The following PNPLA7 variants were observed in gnomAD, a reference collection of about 807,000 sequenced individuals.
The protein encoded by PNPLA7 is patatin-like phospholipase domain-containing protein 7.
In PNPLA7, 153 loss-of-function variants were observed where a neutral mutation model predicts 161.7. The ratio of observed to expected loss-of-function variants is 0.95; its 90% confidence interval spans 0.83 to 1.08. The LOEUF is 1.08. PNPLA7 is among the 50% of genes least tolerant of loss of function. PNPLA7 has a pLI of 0.00. For synonymous variants in PNPLA7, 809 were observed against 782.1 expected, an observed-to-expected ratio of 1.03 and a Z score of -0.57; for missense variants, 1,739 against 1,856.6, an observed-to-expected ratio of 0.94 and a Z score of 1.16.
Position 137,463,409 on chromosome 9 carries a change from C to T in PNPLA7, c.3343+6G>A. 6.3e-7 allele frequency: 1 copy of T among 1,599,174 alleles called. No individual in the cohort carries two copies. The highest frequency in any genetic ancestry group is 1.7e-5 in the Admixed American group (1 of 58,442). On this transcript the variant is annotated splice_donor_region_variant and intron_variant, in intron 29 of 34. Coordinates refer to ENST00000406427, the MANE Select transcript of PNPLA7 (RefSeq NM_001098537.3). ...CCTGCCGGGCGTGGTCCCCCCACCG[C>T]AGTACCTGGGAGGTTGTTGATGTAG...
rs772876662 is a variant in PNPLA7, at chr9:137,549,430, C to T, written c.30+738G>A. On this transcript the variant is annotated intron_variant, in intron 1 of 34. Transcript: ENST00000406427. The stretch of plus-strand genomic sequence containing the variant: ...AAAATACAAAAAAATATTAGCCGGG[C>T]GTGGTGGTGGGCGCCTGTAGTCCCA... Among the ~76,000 whole-genome samples, 193 of 152,200 alleles carry T rather than the reference C, an allele frequency of 1.3e-3. 1 individual carries two copies. The highest frequency in any genetic ancestry group is 4.4e-3 in the African/African-American group (183 of 41,528).
At position 137,523,117 on chromosome 9, in the gene PNPLA7, C is replaced by A. The variant is rs983723134; in HGVS notation, c.748-260G>T. ...GGAGGCCCGCAGGCAGCCACCCCAC[C>A]AGACCTGGGCACTCACCATGGGGAG... On this transcript the variant is annotated intron_variant, in intron 8 of 34. Transcript: ENST00000406427. The surrounding 1 kb of genome is among the most constrained non-coding windows in gnomAD (Gnocchi z 4.4). 1.2e-4 allele frequency among the ~76,000 whole-genome samples: 19 copies of A among 152,314 alleles called. No individual in the cohort carries two copies. The highest frequency in any genetic ancestry group is 4.6e-4 in the African/African-American group (19 of 41,574).
intron 14 of PNPLA7, among the ~76,000 whole-genome samples, chr9:137,503,879 A>G (rs1175738663): frequency 9.2e-4 from 58 of 62,974 alleles, no homozygotes; most frequent in South Asian, 2.0e-3. Flanking sequence ...AAGGAAGAAG[A>G]AAGAAGAAGG....
chr9:137,510,480 G>A (rs373489478), intron 12 of PNPLA7, among the ~76,000 whole-genome samples: 144 of 152,252 alleles, frequency 9.5e-4, no homozygotes, highest in Non-Finnish European at 1.9e-3. Context: ...TCTCTGCCTC[G>A]GCTGCCAGGC....
Position 137,540,657 on chromosome 9 carries a change from G to T in PNPLA7, c.732C>A (p.Ile244=). The T allele has an allele frequency of 6.2e-7, 1 of 1,611,888 alleles. No individual in the cohort carries two copies. The highest frequency in any genetic ancestry group is 8.5e-7 in the Non-Finnish European group (1 of 1,179,408). ...AGDSVHSLLS[I]LDIITGHAAP... Reference sequence around the variant, plus strand: ...GGGGACTCACGGTGATGATGTCCAGGATGCTGAGCAGGCTGTGGACGCTGT... The same window carrying T: ...GGGGACTCACGGTGATGATGTCCAGTATGCTGAGCAGGCTGTGGACGCTGT... The change falls in exon 8 of 35, where the codon ATC becomes ATA. Residue 244 remains isoleucine (I), a synonymous_variant. Coordinates refer to ENST00000406427, the MANE Select transcript of PNPLA7 (RefSeq NM_001098537.3). This position sits in a 1 kb window ranked among gnomAD's most constrained non-coding sequence, Gnocchi z 5.1.
chr9:137,521,138 C>T (rs1195257655), intron 10 of PNPLA7, among the ~76,000 whole-genome samples: 1 of 152,096 alleles, frequency 6.6e-6, no homozygotes, highest in Non-Finnish European at 1.5e-5. Context: ...ATGGGATGGG[C>T]ATGGGGAGGG....
intron 24 of PNPLA7, 112 bp from the exon 25 acceptor site, chr9:137,478,264 C>T: frequency 1.3e-6 from 1 of 770,846 alleles, no homozygotes; most frequent in South Asian, 5.0e-5. Context: ...AAACTGACCC[C>T]AAATCCTCTC....
chr9:137,518,298 G>C (rs369812658), intron 11 of PNPLA7, among the ~76,000 whole-genome samples: 691 of 32,072 alleles, frequency 0.022, no homozygotes, highest in Middle Eastern at 0.043. Context: ...CCCACTCACT[G>C]ACTCCACTCT....
At chr9:137,504,167 CGGAAGAAGAA>C (rs1410384788) in intron 14 of PNPLA7, among the ~76,000 whole-genome samples, 1 of 109,298 alleles carries the variant, frequency 9.1e-6, no homozygotes, top group Non-Finnish European at 2.0e-5. Context: ...GAGAAGAAGA[CGGAAGAAGAA>C]GGAAGAAGGA....
chr9:137,462,562 G>A, intron 30 of PNPLA7, 123 bp downstream of exon 30: 4 of 1,434,738 alleles, frequency 2.8e-6, no homozygotes, highest in Non-Finnish European at 3.7e-6. Flanking sequence ...GGGTGGTGAG[G>A]GGTGGCCCCA....
Position 137,547,183 on chromosome 9 carries a change from G to T in PNPLA7, c.193+126C>A. 2.1e-6 allele frequency: 2 copies of T among 969,324 alleles called. No individual in the cohort carries two copies. The highest frequency in any genetic ancestry group is 3.2e-6 in the Non-Finnish European group (2 of 619,898). The allele number at this position is 969,324 out of a possible 1,614,324, so 60.0% of individuals were successfully genotyped here. A position where few individuals can be genotyped will look rare whatever the true frequency, so the allele number is the denominator to read the frequency against. On this transcript the variant is annotated intron_variant, in intron 3 of 34. Coordinates refer to ENST00000406427, the MANE Select transcript of PNPLA7 (RefSeq NM_001098537.3). The surrounding 1 kb of genome is among the most constrained non-coding windows in gnomAD (Gnocchi z 4.6). ...CGACGGGCTCAGCCTGAGCCCAGAC[G>T]GGCCATCAGATTCTAGCCAAAGCCA...
chr9:137,522,796 C>T lies in PNPLA7; in HGVS notation c.809G>A (p.Arg270Gln), dbSNP rs35606757. 1,033 of 1,613,816 alleles carry T rather than the reference C, an allele frequency of 6.4e-4. 5 individuals are homozygous for T. The African/African-American group carries it at 0.011, about 17-fold the overall frequency. Residue 270 changes from arginine to glutamine, a missense_variant, in exon 9 of 35, where the codon CGG becomes CAG. Arg to Gln is a conservative substitution (Grantham distance 43). This residue lies in a region of PNPLA7 where 152 missense variants were observed against 193.5 expected (regional missense o/e 0.79). Transcript: ENST00000406427. ...TCCATGAAAAGCCGCAGCTGGAAGC[C>T]GGAGGATGGTGGACGGGATGGCCGC... The part of the protein sequence containing the change: ...VRAAIPSTIL[R>Q]LPAAAFHGVF...
At position 137,524,146 on chromosome 9, in the gene PNPLA7, G is replaced by A. The variant is rs1014493421; in HGVS notation, c.748-1289C>T. Among the ~76,000 whole-genome samples, 3 of 152,204 alleles carry A rather than the reference G, an allele frequency of 2.0e-5. No homozygotes were observed. The highest frequency in any genetic ancestry group is 2.1e-4 in the South Asian group (1 of 4,832). ...CACTGGGTCTTGGCAATGCTCCCCC[G>A]TCTTCTGTCCCAGTGGTTGTGCCTT... On this transcript the variant is annotated intron_variant, in intron 8 of 34. Coordinates refer to ENST00000406427, the MANE Select transcript of PNPLA7 (RefSeq NM_001098537.3). This position sits in a 1 kb window ranked among gnomAD's most constrained non-coding sequence, Gnocchi z 4.4.
intron 12 of PNPLA7, among the ~76,000 whole-genome samples, chr9:137,511,085 A>G (rs1301698025): frequency 2.0e-5 from 3 of 152,232 alleles, no homozygotes; most frequent in African/African-American, 7.2e-5. Context: ...ACGCCCAGAT[A>G]AGGGCCGCTT....
intron 8 of PNPLA7, 46 bp from the exon 9 acceptor site, chr9:137,522,903 C>T (rs754753118): frequency 1.1e-5 from 17 of 1,601,556 alleles, no homozygotes; most frequent in Non-Finnish European, 1.4e-5. Flanking sequence ...GCCTGGCCAA[C>T]CCCCCAGGGA....
Position 137,500,766 on chromosome 9 carries a change from C to T in PNPLA7, c.1682G>A (p.Gly561Glu). The change falls in exon 16 of 35, where the codon GGG becomes GAG. Residue 561 changes from glycine (G) to glutamate (E), a missense_variant. Coordinates refer to ENST00000406427, the MANE Select transcript of PNPLA7 (RefSeq NM_001098537.3). This position sits in a 1 kb window ranked among gnomAD's most constrained non-coding sequence, Gnocchi z 5.5. Reference sequence around the variant, plus strand: ...CTTGACGGTGAAGATGAGAGGCTCCCCGGTGAGCACGGCCAGCTGGCCCAC... The same window carrying T: ...CTTGACGGTGAAGATGAGAGGCTCCTCGGTGAGCACGGCCAGCTGGCCCAC... ...EMVGQLAVLTGEPLIFTVKAN... is the reference protein window; with the variant it reads ...EMVGQLAVLTEEPLIFTVKAN... The T allele has an allele frequency of 6.2e-7, 1 of 1,612,292 alleles. No individual in the cohort carries two copies. The highest frequency in any genetic ancestry group is 8.5e-7 in the Non-Finnish European group (1 of 1,179,828).
Position 137,460,282 on chromosome 9 carries a change from G to A in PNPLA7, c.*111C>T. 2 of 1,150,354 alleles carry A rather than the reference G, an allele frequency of 1.7e-6. No individual in the cohort carries two copies. The highest frequency in any genetic ancestry group is 2.6e-5 in the Admixed American group (1 of 38,298). 71.3% of individuals were successfully genotyped at this position (1,150,354 alleles called of 1,614,324 possible). A position where few individuals can be genotyped will look rare whatever the true frequency, so the allele number is the denominator to read the frequency against. On this transcript the variant is annotated 3_prime_UTR_variant, in exon 35 of 35. Coordinates refer to ENST00000406427, the MANE Select transcript of PNPLA7 (RefSeq NM_001098537.3). ...TAACACAGCCTGGGGCCCCGGGGAA[G>A]TCAGGGCTTCCAGCAGGGCAGGTAC...
Position 137,543,693 on chromosome 9 carries a change from G to T in PNPLA7, c.365+31C>A. ...GGCCAGCACCATGGGGGGCACCTGG[G>T]GCAGGATGTGGTCTGAAGGACACAC... On this transcript the variant is annotated intron_variant, in intron 5 of 34. Transcript: ENST00000406427. The surrounding 1 kb of genome is among the most constrained non-coding windows in gnomAD (Gnocchi z 6.9). The T allele has an allele frequency of 6.2e-7, 1 of 1,612,236 alleles. No individual in the cohort carries two copies. The highest frequency in any genetic ancestry group is 1.1e-5 in the South Asian group (1 of 91,050).
rs1012608609 is a variant in PNPLA7 at position 137,476,759 on chromosome 9, G to A, written c.2882+1275C>T. Among the ~76,000 whole-genome samples, 1 of 152,196 alleles carries A rather than the reference G, an allele frequency of 6.6e-6. No homozygotes were observed. Among genetic ancestry groups the A allele is most frequent in the Non-Finnish European group, 1.5e-5 (1 of 68,030 alleles). ...CTCAACTGCTCCAAGTCCCTGCACTGTCCCAGACCCACAGAAAGAGACTTG... is the reference window on the plus strand; with the variant it reads ...CTCAACTGCTCCAAGTCCCTGCACTATCCCAGACCCACAGAAAGAGACTTG... On this transcript the variant is annotated intron_variant, in intron 25 of 34. Coordinates refer to ENST00000406427, the MANE Select transcript of PNPLA7 (RefSeq NM_001098537.3). This position sits in a 1 kb window ranked among gnomAD's most constrained non-coding sequence, Gnocchi z 4.5.
Sources: gnomAD v4.1 joint callset for allele counts (sites outside exome capture counted in the v4.1 genomes callset) on GRCh38, gnomAD v4.1.1 for gene constraint, gnomAD v4.1.1 regional missense constraint, Gnocchi (gnomAD v3.1) non-coding constraint, MANE v1.5 for transcripts, NCBI Gene and HGNC (gene_info 2026-07-23, HGNC 2026-07-21) for gene names.